Variants in SFSWAP observed in about 807,000 individuals in gnomAD.
The protein encoded by SFSWAP is splicing factor, suppressor of white-apricot homolog.
Under a neutral mutation model 100.7 loss-of-function variants are expected in SFSWAP, and 17 were observed. The ratio of observed to expected loss-of-function variants is 0.17; its 90% CI spans 0.12 to 0.25. The LOEUF (loss-of-function observed/expected upper bound fraction) is 0.25, where lower values mean the gene tolerates loss of function less well. Among genes scored for constraint, SFSWAP ranks in the 10% least tolerant of loss-of-function variants. The pLI is 1.00. For synonymous variants in SFSWAP, 504 were observed against 510.1 expected (o/e 0.99, Z 0.16); for missense variants, 1,005 against 1,262.6 (o/e 0.80, Z 3.09).
At chr12:131,754,627 C>CTTTTTTTTTTTTTTTT in intron 9 of SFSWAP, 128 bp downstream of exon 9, 1 of 79,856 alleles carries the variant, frequency 1.3e-5, no homozygotes, top group Non-Finnish European at 2.1e-5. Flanking sequence ...GCTCAAATGT[C>CTTTTTTTTTTTTTTTT]TTTTTTTTTT....
intron 13 of SFSWAP, among the ~76,000 whole-genome samples, chr12:131,774,269 AC>A (rs1404507263): frequency 1.3e-5 from 2 of 152,208 alleles, no homozygotes; most frequent in Non-Finnish European, 2.9e-5. Context: ...AGTGTCCTTC[AC>A]AAATAAGATT....
At chr12:131,783,074 G>A (rs564820164) in intron 14 of SFSWAP, among the ~76,000 whole-genome samples, 100 of 151,934 alleles carry the variant, frequency 6.6e-4, no homozygotes, top group African/African-American at 2.3e-3. Flanking sequence ...CCAGCTACTC[G>A]GGAGGCTGAG....
At position 131,783,801 on chromosome 12, in the gene SFSWAP, T is replaced by TATATATATATATATATAC. The variant is rs1884682405; in HGVS notation, c.2409-2645_2409-2644insCATATATATATATATATA. 2 of 128,716 alleles carry TATATATATATATATATAC rather than the reference T, an allele frequency of 1.6e-5. 1 individual carries two copies. The highest frequency in any genetic ancestry group is 3.4e-5 in the Non-Finnish European group (2 of 59,436). The allele number at this position is 128,716 out of a possible 1,614,324, so 8.0% of individuals were successfully genotyped here. A position where few individuals can be genotyped will look rare whatever the true frequency, so the allele number is the denominator to read the frequency against. ...CTCAAAAAAAAACATTTTATATATA[T>TATATATATATATATATAC]ATATATATATATATATATATAATTC... is the stretch of plus-strand genomic sequence containing the variant. On this transcript the variant is annotated intron_variant, in intron 14 of 17. Coordinates refer to ENST00000261674, the MANE Select transcript of SFSWAP (RefSeq NM_004592.4).
chr12:131,775,234 C>T (rs1377804228), intron 13 of SFSWAP, among the ~76,000 whole-genome samples: 1 of 152,200 alleles, frequency 6.6e-6, no homozygotes, highest in Non-Finnish European at 1.5e-5. Flanking sequence ...TCTTCCTTCT[C>T]GTCACAGAAC....
Position 131,772,189 on chromosome 12 carries a change from C to G in SFSWAP, c.2143-5876C>G, listed in dbSNP as rs186116177. Among the ~76,000 whole-genome samples, 474 of 152,330 alleles carry G rather than the reference C, an allele frequency of 3.1e-3. 8 individuals carry two copies. Among genetic ancestry groups the G allele is most frequent in the African/African-American group, 9.3e-3 (388 of 41,570 alleles). ...CACGTCACTATCGATGCAACGCATTCACTAAGTCATACATCTTTTCCCCAG... is the reference window on the plus strand; with the variant it reads ...CACGTCACTATCGATGCAACGCATTGACTAAGTCATACATCTTTTCCCCAG... On this transcript the variant is annotated intron_variant, in intron 13 of 17. Transcript: ENST00000261674.
At chr12:131,782,574 G>A (rs539642019) in intron 14 of SFSWAP, among the ~76,000 whole-genome samples, 6 of 152,220 alleles carry the variant, frequency 3.9e-5, no homozygotes, top group East Asian at 1.9e-4. Flanking sequence ...GTAGAATACC[G>A]CAGTTGTTAA....
chr12:131,766,020 A>C, intron 12 of SFSWAP, 98 bp from the exon 13 acceptor site: 1 of 1,206,418 alleles, frequency 8.3e-7, no homozygotes, highest in Non-Finnish European at 1.2e-6. Flanking sequence ...AACTTTAACT[A>C]ACTGCATTGT....
At chr12:131,763,781 C>T (rs1245733052) in intron 11 of SFSWAP, among the ~76,000 whole-genome samples, 2 of 151,344 alleles carry the variant, frequency 1.3e-5, no homozygotes, top group African/African-American at 4.9e-5. Context: ...TCATATGCCT[C>T]CTGAAGCAAA....
intron 3 of SFSWAP, among the ~76,000 whole-genome samples, chr12:131,717,820 T>G (rs1340303477): frequency 6.6e-6 from 1 of 152,184 alleles, no homozygotes; most frequent in Non-Finnish European, 1.5e-5. Context: ...AACCTCCACC[T>G]CCCGGGTTCA....
chr12:131,714,806 C>A lies in SFSWAP; in HGVS notation c.389-16C>A. The stretch of plus-strand genomic sequence containing the variant: ...ATTTTCTATTTTTGTTGATAAAATT[C>A]TCATTTTTATTCAAGAGGAAGAATA... On this transcript the variant is annotated splice_polypyrimidine_tract_variant and intron_variant, in intron 2 of 17. Transcript: ENST00000261674. This position sits in a 1 kb window ranked among gnomAD's most constrained non-coding sequence, Gnocchi z 6.0. 1 of 1,605,670 alleles carries A rather than the reference C, an allele frequency of 6.2e-7. No individual in the cohort carries two copies. Among genetic ancestry groups the A allele is most frequent in the Non-Finnish European group, 8.5e-7 (1 of 1,174,110 alleles).
intron 15 of SFSWAP, among the ~76,000 whole-genome samples, chr12:131,792,100 G>A (rs1483116752): frequency 2.0e-5 from 3 of 151,886 alleles, no homozygotes; most frequent in East Asian, 1.9e-4. Context: ...GTGCGCCCAT[G>A]TGTGTTCACG....
chr12:131,774,662 A>C (rs1883869081), intron 13 of SFSWAP, among the ~76,000 whole-genome samples: 1 of 152,214 alleles, frequency 6.6e-6, no homozygotes, highest in South Asian at 2.1e-4. Flanking sequence ...GTTCACTTTT[A>C]GCACTTGAAG....
At chr12:131,764,825 A>G (rs1021233456) in intron 12 of SFSWAP, 139 bp downstream of exon 12, 17 of 647,262 alleles carry the variant, frequency 2.6e-5, no homozygotes, top group African/African-American at 2.2e-4. Flanking sequence ...GTTGTGTAAC[A>G]TGTCTGAGGT....
At chr12:131,726,810 G>A (rs1256203867) in intron 5 of SFSWAP, 130 bp from the exon 6 acceptor site, 7 of 637,088 alleles carry the variant, frequency 1.1e-5, no homozygotes, top group African/African-American at 9.3e-5. Context: ...TGACTCTAGG[G>A]AGAAATTTCT....
chr12:131,753,498 C>A lies in SFSWAP; in HGVS notation c.1322+135C>A, dbSNP rs536814231. 1.2e-5 allele frequency: 14 copies of A among 1,155,092 alleles called. No individual in the cohort carries two copies. In the Admixed American group the frequency reaches 1.5e-4, roughly 12 times the overall value. The allele number at this position is 1,155,092 out of a possible 1,614,324, so 71.6% of individuals were successfully genotyped here. On this transcript the variant is annotated intron_variant, in intron 8 of 17. Coordinates refer to ENST00000261674, the MANE Select transcript of SFSWAP (RefSeq NM_004592.4). ...CCCCATTGTCTGAGTAGTTATTATT[C>A]CAAATCCCCAAGTTACAAAGTTGAC...
At chr12:131,793,948 G>C (rs61943864) in intron 15 of SFSWAP, among the ~76,000 whole-genome samples, 11,510 of 152,164 alleles carry the variant, frequency 0.076, 497 homozygotes, top group Middle Eastern at 0.13. Context: ...TGCGCTCTCA[G>C]ACACTGGATT....
chr12:131,769,569 T>G (rs1388980621), intron 13 of SFSWAP, among the ~76,000 whole-genome samples: 3 of 152,222 alleles, frequency 2.0e-5, no homozygotes, highest in Non-Finnish European at 4.4e-5. Context: ...CTTATAAACA[T>G]AAGATATGTT....
rs1407636350 is a variant in SFSWAP at position 131,774,403 on chromosome 12, G to A, written c.2143-3662G>A. On this transcript the variant is annotated intron_variant, in intron 13 of 17. Coordinates refer to ENST00000261674, the MANE Select transcript of SFSWAP (RefSeq NM_004592.4). ...ATTTTGTTGCCAAATACTTCATCGT[G>A]ACACAGGGGGACTAATCAATGTTAA... is the stretch of plus-strand genomic sequence containing the variant. Among the ~76,000 whole-genome samples, 4 of 152,220 alleles carry A rather than the reference G, an allele frequency of 2.6e-5. No homozygotes were observed. The East Asian group carries it at 7.7e-4, about 29-fold the overall frequency.
chr12:131,762,895 G>A (rs987014577), intron 11 of SFSWAP, among the ~76,000 whole-genome samples: 6 of 152,092 alleles, frequency 3.9e-5, no homozygotes, highest in Admixed American at 6.5e-5. Context: ...CACTGCACCC[G>A]GCCAATTTTT....
Sources: allele counts gnomAD v4.1 joint callset (sites outside exome capture counted in the v4.1 genomes callset), GRCh38; gene constraint gnomAD v4.1.1; non-coding constraint Gnocchi (gnomAD v3.1); transcripts MANE v1.5; gene names NCBI Gene and HGNC (gene_info 2026-07-23, HGNC 2026-07-21).